COL5A2: variants seen among roughly 807,000 people sequenced by gnomAD.
COL5A2 encodes the protein collagen alpha-2(V) chain.
Under a neutral mutation model 208.2 loss-of-function variants are expected in COL5A2, and 23 were observed. The observed-to-expected ratio is 0.11, with a 90% CI of 0.08 to 0.16. COL5A2 has a LOEUF of 0.16. COL5A2 is among the 10% of genes least tolerant of loss of function. COL5A2 has a pLI of 1.00. For missense variants in COL5A2, 1,590 were observed against 1,956.4 expected, an observed-to-expected ratio of 0.81 and a Z score of 3.53; for synonymous variants, 625 against 628.5, an observed-to-expected ratio of 0.99 and a Z score of 0.08.
intron 19 of COL5A2, 119 bp downstream of exon 19, chr2:189,068,667 G>T: frequency 2.7e-6 from 2 of 745,072 alleles, no homozygotes; most frequent in Non-Finnish European, 4.7e-6. Context: ...AACATTACAG[G>T]TACCCCCTAA....
chr2:189,340,238 G>A, the COL5A2 span, among the ~76,000 whole-genome samples: 1 of 152,138 alleles, frequency 6.6e-6, no homozygotes, highest in Non-Finnish European at 1.5e-5. Flanking sequence ...TACCATTGCT[G>A]GAGTAGTGTG....
At chr2:189,117,569 G>A (rs1687417220) in intron 1 of COL5A2, among the ~76,000 whole-genome samples, 1 of 151,950 alleles carries the variant, frequency 6.6e-6, no homozygotes, top group Admixed American at 6.6e-5. Context: ...TCTTTCAAAG[G>A]AGAAGTAAAT....
At chr2:189,399,953 G>A in the COL5A2 span, among the ~76,000 whole-genome samples, 1 of 152,000 alleles carries the variant, frequency 6.6e-6, no homozygotes, top group Non-Finnish European at 1.5e-5. Context: ...CTCCTGCCTT[G>A]GCCTCTGAAA....
intron 21 of COL5A2, among the ~76,000 whole-genome samples, chr2:189,067,048 T>TA (rs1686170978): frequency 6.6e-6 from 1 of 152,198 alleles, no homozygotes; most frequent in South Asian, 2.1e-4. Flanking sequence ...TTATCATGTG[T>TA]AGTAGAATAA....
chr2:189,356,893 T>C, the COL5A2 span, among the ~76,000 whole-genome samples: 1 of 152,214 alleles, frequency 6.6e-6, no homozygotes, highest in Non-Finnish European at 1.5e-5. Flanking sequence ...TGGTCTTTGA[T>C]GTTGGTGACC....
At chr2:189,187,788 T>C (rs897554203) in intron 1 of COL5A2, among the ~76,000 whole-genome samples, 1 of 151,890 alleles carries the variant, frequency 6.6e-6, no homozygotes, top group African/African-American at 2.4e-5. Context: ...GCGAACATGG[T>C]GAGACTCCGT....
the COL5A2 span, among the ~76,000 whole-genome samples, chr2:189,441,024 T>G: frequency 3.3e-5 from 5 of 152,182 alleles, no homozygotes; most frequent in African/African-American, 1.2e-4. Flanking sequence ...GAAAGCTACC[T>G]TTCCACCCAA....
chr2:189,315,058 G>A, the COL5A2 span, among the ~76,000 whole-genome samples: 1 of 152,134 alleles, frequency 6.6e-6, no homozygotes, highest in African/African-American at 2.4e-5. Context: ...TGAGGAGGAA[G>A]GACTCCTTCC....
chr2:189,338,407 A>G, the COL5A2 span, among the ~76,000 whole-genome samples: 1 of 151,942 alleles, frequency 6.6e-6, no homozygotes, highest in African/African-American at 2.4e-5. Context: ...AGTATTAAAT[A>G]CCACTCATGA....
At chr2:189,211,579 A>T (rs917606718) in intron 1 of COL5A2, among the ~76,000 whole-genome samples, 1 of 152,216 alleles carries the variant, frequency 6.6e-6, no homozygotes. Context: ...AACTACAGAC[A>T]GTCCATATAT....
At chr2:189,225,906 G>T (rs1689410675), upstream of COL5A2, among the ~76,000 whole-genome samples, 1 of 152,040 alleles carries the variant, frequency 6.6e-6, no homozygotes, top group East Asian at 1.9e-4. Context: ...TGACTCCTGG[G>T]TACAGACTCT....
upstream of COL5A2, among the ~76,000 whole-genome samples, chr2:189,182,125 A>C (rs1256011282): frequency 1.3e-5 from 2 of 152,212 alleles, no homozygotes; most frequent in Non-Finnish European, 2.9e-5. Context: ...ATTGACCAGG[A>C]ATATCTGTTT....
At chr2:189,119,377 A>G (rs1199595219) in intron 1 of COL5A2, among the ~76,000 whole-genome samples, 1 of 152,104 alleles carries the variant, frequency 6.6e-6, no homozygotes, top group Non-Finnish European at 1.5e-5. Context: ...CAACAGAATT[A>G]ACCTGAAGAT....
At chr2:189,276,709 G>A in the COL5A2 span, among the ~76,000 whole-genome samples, 1 of 151,930 alleles carries the variant, frequency 6.6e-6, no homozygotes, top group South Asian at 2.1e-4. Context: ...TTTCTATATT[G>A]TTTCTGGAAA....
At chr2:189,148,155 T>C (rs1484956590) in intron 1 of COL5A2, among the ~76,000 whole-genome samples, 2 of 152,152 alleles carry the variant, frequency 1.3e-5, no homozygotes, top group Non-Finnish European at 2.9e-5. Flanking sequence ...TGACAAGCTA[T>C]ATTATGATGT....
chr2:189,162,688 T>C (rs1229359863), intron 1 of COL5A2, among the ~76,000 whole-genome samples: 1 of 152,182 alleles, frequency 6.6e-6, no homozygotes, highest in Non-Finnish European at 1.5e-5. Flanking sequence ...TATTATCAGA[T>C]TTTTAATCTG....
At chr2:189,121,071 A>G (rs1222936541) in intron 1 of COL5A2, among the ~76,000 whole-genome samples, 2 of 151,496 alleles carry the variant, frequency 1.3e-5, no homozygotes, top group African/African-American at 4.9e-5. Context: ...TAATTCTTTA[A>G]ATACAAAATT....
chr2:189,043,478 A>G (rs1685602211), intron 47 of COL5A2, among the ~76,000 whole-genome samples: 1 of 152,132 alleles, frequency 6.6e-6, no homozygotes. Context: ...AAGATATAAT[A>G]AGAATACTTT....
intron 1 of COL5A2, among the ~76,000 whole-genome samples, chr2:189,131,679 G>C (rs1474654892): frequency 6.6e-6 from 1 of 152,118 alleles, no homozygotes; most frequent in African/African-American, 2.4e-5. Context: ...GTGTAATTAG[G>C]CTTCAGGAAA....
Sources: allele counts gnomAD v4.1 joint callset (sites outside exome capture counted in the v4.1 genomes callset), GRCh38; gene constraint gnomAD v4.1.1; transcripts MANE v1.5; gene names NCBI Gene and HGNC (gene_info 2026-07-23, HGNC 2026-07-21).